TAX1BP1: variants seen among roughly 807,000 people sequenced by gnomAD.
TAX1BP1 encodes tax1-binding protein 1.
In TAX1BP1, 62 loss-of-function variants were observed where a neutral mutation model predicts 97.7. The observed-to-expected ratio is 0.63, with a 90% CI of 0.52 to 0.78. The LOEUF (loss-of-function observed/expected upper bound fraction) is 0.78, where lower values mean the gene tolerates loss of function less well. Among genes scored for constraint, TAX1BP1 ranks in the 30% least tolerant of loss-of-function variants. The pLI, the probability that TAX1BP1 is intolerant of heterozygous loss-of-function variation, is 0.00. For missense variants in TAX1BP1, 867 were observed against 916.1 expected (o/e 0.95, Z 0.69); for synonymous variants, 340 against 304.2 (o/e 1.12, Z -1.23).
chr7:27,799,023 T>A (rs1447654823), intron 12 of TAX1BP1, among the ~76,000 whole-genome samples: 1 of 152,118 alleles, frequency 6.6e-6, no homozygotes, highest in African/African-American at 2.4e-5. Flanking sequence ...TTTGATAAAG[T>A]ACAGTTTATC....
At chr7:27,763,608 A>G (rs1341154596) in intron 3 of TAX1BP1, among the ~76,000 whole-genome samples, 2 of 152,204 alleles carry the variant, frequency 1.3e-5, no homozygotes, top group Non-Finnish European at 2.9e-5. Context: ...CTCCACTAAA[A>G]TACAAAAGAA....
At chr7:27,810,852 C>G (rs992009074) in intron 13 of TAX1BP1, among the ~76,000 whole-genome samples, 2 of 152,164 alleles carry the variant, frequency 1.3e-5, no homozygotes, top group Non-Finnish European at 1.5e-5. Flanking sequence ...CTCATATGTT[C>G]TGTATCTTTT....
At chr7:27,796,759 C>T (rs992589436) in intron 12 of TAX1BP1, among the ~76,000 whole-genome samples, 9 of 151,738 alleles carry the variant, frequency 5.9e-5, no homozygotes, top group African/African-American at 2.2e-4. Context: ...GCTACAGTCT[C>T]CTGAGGCAGG....
intron 13 of TAX1BP1, among the ~76,000 whole-genome samples, chr7:27,802,119 A>G (rs1397019031): frequency 1.3e-5 from 2 of 152,236 alleles, no homozygotes; most frequent in Non-Finnish European, 2.9e-5. Flanking sequence ...TTGAGTATCT[A>G]TAATGGAGTA....
intron 8 of TAX1BP1, among the ~76,000 whole-genome samples, chr7:27,790,163 A>G (rs1283786786): frequency 1.3e-5 from 2 of 151,944 alleles, no homozygotes; most frequent in Non-Finnish European, 2.9e-5. Context: ...GAATTTATAC[A>G]TTTTTTCCTT....
intron 13 of TAX1BP1, among the ~76,000 whole-genome samples, chr7:27,801,548 A>G (rs567817285): frequency 2.0e-5 from 3 of 152,194 alleles, no homozygotes; most frequent in Non-Finnish European, 2.9e-5. Flanking sequence ...CCTATTTTAC[A>G]TAAAGTGCTA....
rs1255476412 is a variant in TAX1BP1 at position 27,787,434 on chromosome 7, C to T, written c.869C>T (p.Thr290Ile). Residue 290 changes from threonine to isoleucine, a missense_variant, in exon 8 of 17, where the codon ACA (threonine) becomes ATA (isoleucine). Transcript: ENST00000396319. ...CCATTACAGGTACATTTGAAGAATA[C>T]AGAAATAGAAAATACCAAGCTTATG... ...KELYKVHLKN[T>I]EIENTKLMSE... is the part of the protein sequence containing the mutation. 2 of 1,606,526 alleles carry T rather than the reference C, an allele frequency of 1.2e-6. No homozygotes were observed. The highest frequency in any genetic ancestry group is 1.7e-6 in the Non-Finnish European group (2 of 1,177,482).
chr7:27,750,819 C>T (rs188206687), intron 2 of TAX1BP1, among the ~76,000 whole-genome samples: 2 of 152,272 alleles, frequency 1.3e-5, no homozygotes, highest in East Asian at 3.9e-4. Flanking sequence ...TTACTGCTTA[C>T]ATATTTCTAA....
chr7:27,745,951 T>C (rs1318289582), intron 1 of TAX1BP1, among the ~76,000 whole-genome samples: 1 of 152,086 alleles, frequency 6.6e-6, no homozygotes, highest in African/African-American at 2.4e-5. Context: ...AATACATATA[T>C]GTATACCTAT....
chr7:27,799,896 G>C, intron 12 of TAX1BP1, 69 bp from the exon 13 acceptor site: 1 of 1,292,016 alleles, frequency 7.7e-7, no homozygotes. Context: ...CCATATCTAA[G>C]TACATTAGTA....
chr7:27,777,889 CTTCA>C (rs1188235934), intron 5 of TAX1BP1, among the ~76,000 whole-genome samples: 1 of 152,168 alleles, frequency 6.6e-6, no homozygotes, highest in Non-Finnish European at 1.5e-5. Context: ...GAGAGCTGTT[CTTCA>C]TTCAGTTTTT....
At chr7:27,817,222 ATT>A (rs900989246) in intron 15 of TAX1BP1, among the ~76,000 whole-genome samples, 184 bp downstream of exon 15, 6 of 152,190 alleles carry the variant, frequency 3.9e-5, no homozygotes, top group Admixed American at 3.9e-4. Context: ...TTGTATTTAA[ATT>A]TGAAAAATCT....
intron 8 of TAX1BP1, among the ~76,000 whole-genome samples, chr7:27,790,429 T>G (rs1174436003): frequency 6.6e-6 from 1 of 152,040 alleles, no homozygotes; most frequent in African/African-American, 2.4e-5. Flanking sequence ...AATGAGTATT[T>G]AAATTTTGAT....
At chr7:27,784,384 A>G (rs1789385718) in intron 5 of TAX1BP1, among the ~76,000 whole-genome samples, 1 of 152,230 alleles carries the variant, frequency 6.6e-6, no homozygotes, top group African/African-American at 2.4e-5. Context: ...TAGAAATTCA[A>G]TTCAACATTC....
intron 5 of TAX1BP1, among the ~76,000 whole-genome samples, chr7:27,770,581 G>A (rs1788808646): frequency 6.6e-6 from 1 of 152,054 alleles, no homozygotes; most frequent in South Asian, 2.1e-4. Context: ...TGTTTCCTGA[G>A]GGTGGGGTCT....
chr7:27,778,317 C>G (rs1789113737), intron 5 of TAX1BP1, among the ~76,000 whole-genome samples: 1 of 151,998 alleles, frequency 6.6e-6, no homozygotes, highest in African/African-American at 2.4e-5. Context: ...GTACAAGTGT[C>G]TTGTCTTGAT....
intron 1 of TAX1BP1, 150 bp downstream of exon 1, chr7:27,740,419 T>A (rs981947112): frequency 3.3e-5 from 5 of 152,970 alleles, no homozygotes; most frequent in African/African-American, 4.8e-5. Flanking sequence ...AGGCTTTCCT[T>A]CCCGAAGACA....
chr7:27,787,790 T>G (rs1251109317), intron 8 of TAX1BP1, among the ~76,000 whole-genome samples, 187 bp downstream of exon 8: 1 of 152,134 alleles, frequency 6.6e-6, no homozygotes, highest in African/African-American at 2.4e-5. Flanking sequence ...TTGTTTTATC[T>G]CCCTCATTTA....
chr7:27,762,266 C>A (rs1454483977), intron 3 of TAX1BP1, among the ~76,000 whole-genome samples: 1 of 152,052 alleles, frequency 6.6e-6, no homozygotes, highest in African/African-American at 2.4e-5. Flanking sequence ...TTTTAATAGC[C>A]TTTTTTAGAT....
Sources: gnomAD v4.1 joint callset for allele counts (sites outside exome capture counted in the v4.1 genomes callset) on GRCh38, gnomAD v4.1.1 for gene constraint, MANE v1.5 for transcripts, NCBI Gene and HGNC (gene_info 2026-07-23, HGNC 2026-07-21) for gene names.